Variants in RNF216 observed in about 807,000 individuals in gnomAD.
The protein encoded by RNF216 is E3 ubiquitin-protein ligase RNF216.
In RNF216, 72 loss-of-function variants were observed where a neutral mutation model predicts 110.8. The observed-to-expected ratio is 0.65, with a 90% confidence interval of 0.54 to 0.79. RNF216 has a LOEUF of 0.79. Ranked by LOEUF, RNF216 falls within the 30% of genes least tolerant of loss-of-function variation. RNF216 has a pLI of 0.00. For synonymous variants in RNF216, 495 were observed against 407.5 expected (o/e 1.21, Z -2.59); for missense variants, 1,342 against 1,141.2 (o/e 1.18, Z -2.54).
chr7:5,777,188 C>A (rs1796833082), intron 1 of RNF216, among the ~76,000 whole-genome samples: 1 of 152,174 alleles, frequency 6.6e-6, no homozygotes, highest in Non-Finnish European at 1.5e-5. Context: ...GAAGCGGATG[C>A]TCCAGCACTG....
chr7:5,714,092 TA>T (rs1792889824), intron 11 of RNF216, among the ~76,000 whole-genome samples: 1 of 152,024 alleles, frequency 6.6e-6, no homozygotes, highest in African/African-American at 2.4e-5. Flanking sequence ...GCCTCCCGAG[TA>T]GCTGGATTAC....
intron 13 of RNF216, among the ~76,000 whole-genome samples, chr7:5,653,203 C>T (rs1329108243): frequency 6.6e-6 from 1 of 152,148 alleles, no homozygotes; most frequent in African/African-American, 2.4e-5. Context: ...CATATATAAA[C>T]ATGCATCTTA....
At chr7:5,686,340 T>C (rs997976824) in intron 13 of RNF216, among the ~76,000 whole-genome samples, 3 of 151,998 alleles carry the variant, frequency 2.0e-5, no homozygotes, top group African/African-American at 2.4e-5. Flanking sequence ...AGCCCTTACC[T>C]GTTGCGGCCT....
chr7:5,675,653 A>G (rs2128600275), intron 13 of RNF216, among the ~76,000 whole-genome samples: 1 of 152,018 alleles, frequency 6.6e-6, no homozygotes, highest in South Asian at 2.1e-4. Flanking sequence ...CAAACAAACA[A>G]ACAAACAAAC....
At chr7:5,733,727 T>C (rs1032849005) in intron 5 of RNF216, among the ~76,000 whole-genome samples, 3 of 141,536 alleles carry the variant, frequency 2.1e-5, no homozygotes, top group Admixed American at 7.0e-5. Context: ...GCAAGGGAAA[T>C]ACAATTAGTA....
At chr7:5,769,062 C>G (rs1796356760) in intron 1 of RNF216, among the ~76,000 whole-genome samples, 1 of 150,228 alleles carries the variant, frequency 6.7e-6, no homozygotes, top group Admixed American at 6.7e-5. Context: ...CAAAATATAT[C>G]AAAATTTATG....
intron 13 of RNF216, among the ~76,000 whole-genome samples, chr7:5,655,116 G>C (rs1244999395): frequency 6.6e-6 from 1 of 152,198 alleles, no homozygotes; most frequent in Non-Finnish European, 1.5e-5. Context: ...TTCCTCATAA[G>C]GGAAGAAACC....
intron 14 of RNF216, among the ~76,000 whole-genome samples, chr7:5,647,631 T>G (rs936968132): frequency 1.3e-5 from 2 of 152,046 alleles, no homozygotes; most frequent in African/African-American, 4.8e-5. Flanking sequence ...CCATTCATTT[T>G]CCTATACTTA....
intron 13 of RNF216, among the ~76,000 whole-genome samples, chr7:5,704,023 G>A (rs756422203): frequency 3.9e-5 from 6 of 152,148 alleles, no homozygotes; most frequent in Non-Finnish European, 8.8e-5. Flanking sequence ...CCTAAAAGCA[G>A]CACACTGAAA....
intron 13 of RNF216, chr7:5,662,680 G>C (rs933143873): frequency 2.6e-5 from 4 of 152,116 alleles, no homozygotes; most frequent in African/African-American, 9.7e-5. Context: ...GAGAGGGATC[G>C]GTATAAAACG....
intron 14 of RNF216, among the ~76,000 whole-genome samples, chr7:5,651,672 C>T (rs1337418918): frequency 2.0e-5 from 3 of 149,844 alleles, no homozygotes; most frequent in East Asian, 2.0e-4. Flanking sequence ...TTTTTTGAGA[C>T]GGAGTCTCGC....
At chr7:5,738,763 T>C (rs1297167265) in intron 5 of RNF216, among the ~76,000 whole-genome samples, 1 of 150,886 alleles carries the variant, frequency 6.6e-6, no homozygotes, top group Non-Finnish European at 1.5e-5. Context: ...AACAGAGTGG[T>C]TGCAGAACAT....
intron 3 of RNF216, among the ~76,000 whole-genome samples, chr7:5,748,324 G>C (rs1186469884): frequency 1.3e-5 from 2 of 152,164 alleles, no homozygotes; most frequent in Non-Finnish European, 2.9e-5. Context: ...CCCCAGGGAA[G>C]CTCTGGTTAG....
intron 15 of RNF216, among the ~76,000 whole-genome samples, chr7:5,629,900 C>CCCT (rs1786965014): frequency 6.6e-6 from 1 of 151,304 alleles, no homozygotes; most frequent in African/African-American, 2.4e-5. Flanking sequence ...GAGGCCTAGT[C>CCCT]CCTCATAAGA....
intron 13 of RNF216, among the ~76,000 whole-genome samples, chr7:5,675,016 A>AATAT (rs930525573): frequency 1.3e-5 from 2 of 151,882 alleles, no homozygotes; most frequent in Admixed American, 6.6e-5. Context: ...ACAAACAAAC[A>AATAT]ATATATATAT....
intron 15 of RNF216, among the ~76,000 whole-genome samples, chr7:5,632,983 C>T (rs575727346): frequency 1.3e-5 from 2 of 151,662 alleles, no homozygotes; most frequent in African/African-American, 2.4e-5. Context: ...TGGAAGAGCA[C>T]TTTCTGTTTT....
intron 5 of RNF216, among the ~76,000 whole-genome samples, chr7:5,735,669 G>A (rs1794354074): frequency 6.6e-6 from 1 of 152,170 alleles, no homozygotes; most frequent in Non-Finnish European, 1.5e-5. Context: ...GAGATTGTGG[G>A]AGAAGAGTTA....
At position 5,740,018 on chromosome 7, in the gene RNF216, C is replaced by T. The variant is rs369172733; in HGVS notation, c.1045-666G>A. 2.1e-3 allele frequency among the ~76,000 whole-genome samples: 319 copies of T among 148,502 alleles called. 5 individuals carry two copies. The highest frequency in any genetic ancestry group is 0.01 in the Middle Eastern group (3 of 290). ...ACTCGGTCTCAAAAAAAAAACAAAC[C>T]AAAAACAAAACAAAAAAAACCCGCC... On this transcript the variant is annotated intron_variant, in intron 4 of 16. Transcript: ENST00000389902.
At chr7:5,647,205 C>T (rs1788102255) in intron 14 of RNF216, among the ~76,000 whole-genome samples, 1 of 151,866 alleles carries the variant, frequency 6.6e-6, no homozygotes, top group African/African-American at 2.4e-5. Context: ...TTTGGAATTC[C>T]CTACACTGTC....
Sources: allele counts gnomAD v4.1 joint callset (sites outside exome capture counted in the v4.1 genomes callset), GRCh38; gene constraint gnomAD v4.1.1; transcripts MANE v1.5; gene names NCBI Gene and HGNC (gene_info 2026-07-23, HGNC 2026-07-21).